The following GNB5 variants were observed in gnomAD, a reference collection of about 807,000 sequenced individuals.
The protein encoded by GNB5 is guanine nucleotide-binding protein subunit beta-5.
In GNB5, 37 loss-of-function variants were observed where a neutral mutation model predicts 55.3. The ratio of observed to expected loss-of-function variants is 0.67; its 90% CI spans 0.51 to 0.88. The LOEUF (loss-of-function observed/expected upper bound fraction) is 0.88, where lower values mean the gene tolerates loss of function less well. Among genes scored for constraint, GNB5 ranks in the 40% least tolerant of loss-of-function variants. GNB5 has a pLI of 0.00. For synonymous variants in GNB5, 219 were observed against 198.5 expected (o/e 1.10, Z -0.87); for missense variants, 476 against 515.3 (o/e 0.92, Z 0.74).
chr15:52,148,205 A>G (rs371268053), intron 5 of GNB5, among the ~76,000 whole-genome samples: 2 of 151,528 alleles, frequency 1.3e-5, no homozygotes, highest in African/African-American at 4.9e-5. Context: ...TCTGATTTCC[A>G]TTTTCAAAAT....
intron 7 of GNB5, chr15:52,140,052 G>A: frequency 1.0e-6 from 1 of 972,462 alleles, no homozygotes. Context: ...CAAGATTCCT[G>A]GTTAGGCTCA....
intron 3 of GNB5, among the ~76,000 whole-genome samples, chr15:52,159,565 G>C (rs74635322): frequency 6.6e-6 from 1 of 152,326 alleles, no homozygotes; most frequent in South Asian, 2.1e-4. Context: ...CTGGATGCCA[G>C]TCCAGACCAA....
intron 4 of GNB5, among the ~76,000 whole-genome samples, chr15:52,151,199 T>C (rs2034086745): frequency 6.6e-6 from 1 of 152,134 alleles, no homozygotes. Flanking sequence ...GCGCAGAAAC[T>C]GGAGTGGGGC....
At position 52,175,780 on chromosome 15, in the gene GNB5, G is replaced by T. The variant is rs1481103010; in HGVS notation, c.238+3988C>A. On this transcript the variant is annotated intron_variant, in intron 3 of 12. Transcript: ENST00000261837. Reference sequence around the variant, plus strand: ...AACAAACAAAAAACGGCCAGGCGCAGTGGGTCACACCTGTAATCCCAGCAC... The same window carrying T: ...AACAAACAAAAAACGGCCAGGCGCATTGGGTCACACCTGTAATCCCAGCAC... Among the ~76,000 whole-genome samples, 15 of 150,170 alleles carry T rather than the reference G, an allele frequency of 1.0e-4. 1 individual carries two copies. Among genetic ancestry groups the T allele is most frequent in the Non-Finnish European group, 3.0e-5 (2 of 67,654 alleles).
chr15:52,131,841 C>G (rs1223727953), intron 9 of GNB5, among the ~76,000 whole-genome samples: 2 of 152,170 alleles, frequency 1.3e-5, no homozygotes, highest in African/African-American at 2.4e-5. Context: ...TAAACTGTCT[C>G]AACAGTACCA....
chr15:52,186,168 T>A (rs75814356), intron 1 of GNB5, among the ~76,000 whole-genome samples: 1 of 152,188 alleles, frequency 6.6e-6, no homozygotes, highest in African/African-American at 2.4e-5. Context: ...CACCCTGTAG[T>A]GTAACAATGT....
intron 4 of GNB5, among the ~76,000 whole-genome samples, chr15:52,151,798 A>G (rs2034101782): frequency 1.3e-5 from 2 of 152,256 alleles, no homozygotes; most frequent in African/African-American, 4.8e-5. Context: ...AAGACTAGAA[A>G]GAAGTGCTCT....
At chr15:52,169,195 T>C (rs1293258042) in intron 3 of GNB5, among the ~76,000 whole-genome samples, 3 of 150,728 alleles carry the variant, frequency 2.0e-5, no homozygotes, top group African/African-American at 7.3e-5. Context: ...TGGCGTATGC[T>C]TGTAGTCCCA....
chr15:52,149,730 G>A (rs538929471), intron 5 of GNB5, 154 bp downstream of exon 5: 141 of 714,924 alleles, frequency 2.0e-4, no homozygotes, highest in African/African-American at 1.2e-3. Flanking sequence ...GTTCAAACAC[G>A]GATAGGCCTT....
At position 52,142,635 on chromosome 15, in the gene GNB5, C is replaced by A. The variant is rs566718979; in HGVS notation, c.495-1363G>T. ...TTTACTTTCTAGAACAAGAAAATAT[C>A]CTAGCCTCACTTTATTCTTTTCCTC... On this transcript the variant is annotated intron_variant, in intron 6 of 12. Transcript: ENST00000261837. Among the ~76,000 whole-genome samples the A allele has an allele frequency of 2.6e-5, 4 of 151,984 alleles. No individual in the cohort carries two copies. The South Asian group carries it at 8.3e-4, about 32-fold the overall frequency.
intron 3 of GNB5, among the ~76,000 whole-genome samples, chr15:52,160,868 T>C (rs2034317449): frequency 6.6e-6 from 1 of 152,184 alleles, no homozygotes; most frequent in Non-Finnish European, 1.5e-5. Flanking sequence ...TCTCTGAATC[T>C]CCTACTGGTG....
intron 3 of GNB5, among the ~76,000 whole-genome samples, chr15:52,179,448 T>G (rs1054195004): frequency 3.3e-5 from 5 of 151,054 alleles, no homozygotes; most frequent in Non-Finnish European, 7.4e-5. Context: ...GCCCTCCGCA[T>G]GGGAGGGGCA....
intron 12 of GNB5, 121 bp from the exon 13 acceptor site, chr15:52,122,889 TAC>T (rs60072605): frequency 0.024 from 16,081 of 667,646 alleles, no homozygotes; most frequent in Non-Finnish European, 0.027. Flanking sequence ...TATGTGTGTG[TAC>T]ACACACACAC....
intron 1 of GNB5, among the ~76,000 whole-genome samples, chr15:52,187,571 T>C (rs1013686836): frequency 4.6e-5 from 7 of 152,174 alleles, no homozygotes; most frequent in African/African-American, 1.7e-4. Context: ...ATTCCATATC[T>C]AGATAGAGGC....
chr15:52,122,396 A>C lies in GNB5; in HGVS notation c.*361T>G, dbSNP rs2033292318. On this transcript the variant is annotated 3_prime_UTR_variant, in exon 13 of 13. Coordinates refer to ENST00000261837, the MANE Select transcript of GNB5 (RefSeq NM_016194.4). ...AAATATCAGACTTTAAAGTGCTCTGAAAATGAATTGATTCAAAGAAATAAT... is the reference window on the plus strand; with the variant it reads ...AAATATCAGACTTTAAAGTGCTCTGCAAATGAATTGATTCAAAGAAATAAT... 1 of 216,534 alleles carries C rather than the reference A, an allele frequency of 4.6e-6. No homozygotes were observed. Among genetic ancestry groups the C allele is most frequent in the African/African-American group, 2.3e-5 (1 of 43,556 alleles). 13.4% of individuals were successfully genotyped at this position (216,534 alleles called of 1,614,324 possible).
chr15:52,135,765 A>C lies in GNB5; in HGVS notation c.628-9T>G, dbSNP rs1032713636. ...CCGCTCGCTGTCAGGATCTGCCCGC[A>C]GAAAAGGACAGGAAGTGGGTGGTTG... is the stretch of plus-strand genomic sequence containing the variant. On this transcript the variant is annotated splice_polypyrimidine_tract_variant and intron_variant, in intron 7 of 12. Coordinates refer to ENST00000261837, the MANE Select transcript of GNB5 (RefSeq NM_016194.4). 1.2e-6 allele frequency: 2 copies of C among 1,611,594 alleles called. No individual in the cohort carries two copies. Among genetic ancestry groups the C allele is most frequent in the African/African-American group, 1.3e-5 (1 of 74,736 alleles).
chr15:52,180,005 G>T, intron 2 of GNB5, 126 bp from the exon 3 acceptor site: 4 of 1,198,858 alleles, frequency 3.3e-6, no homozygotes, highest in East Asian at 7.3e-5. Flanking sequence ...CCGCGATGAC[G>T]CCAGCAGCTG....
At chr15:52,189,174 G>A (rs1261877283) in intron 1 of GNB5, among the ~76,000 whole-genome samples, 1 of 152,220 alleles carries the variant, frequency 6.6e-6, no homozygotes, top group Non-Finnish European at 1.5e-5. Flanking sequence ...GGAAGGTAAA[G>A]TGGGGTAGCC....
In GNB5 at chr15:52,133,876, T is replaced by C. The variant is rs2033637909; in HGVS notation, c.772-407A>G. Reference sequence around the variant, plus strand: ...GTGGTGTGTGGTGGGACCTCTCTAGTTGTGACATTAATAAATGGGTTGGCA... The same window carrying C: ...GTGGTGTGTGGTGGGACCTCTCTAGCTGTGACATTAATAAATGGGTTGGCA... On this transcript the variant is annotated intron_variant, in intron 8 of 12. Coordinates refer to ENST00000261837, the MANE Select transcript of GNB5 (RefSeq NM_016194.4). Among the ~76,000 whole-genome samples, 3 of 152,308 alleles carry C rather than the reference T, an allele frequency of 2.0e-5. No homozygotes were observed. The South Asian group carries it at 6.2e-4, about 32-fold the overall frequency.
Sources: allele counts gnomAD v4.1 joint callset (sites outside exome capture counted in the v4.1 genomes callset), GRCh38; gene constraint gnomAD v4.1.1; transcripts MANE v1.5; gene names NCBI Gene and HGNC (gene_info 2026-07-23, HGNC 2026-07-21).